The following CLVS1 variants were observed in gnomAD, a reference collection of about 807,000 sequenced individuals.
The protein encoded by CLVS1 is clavesin 1.
Under a neutral mutation model 33.1 loss-of-function variants are expected in CLVS1, and 10 were observed. The ratio of observed to expected loss-of-function variants is 0.30; its 90% CI spans 0.19 to 0.51. CLVS1 has a LOEUF of 0.51. Ranked by LOEUF, CLVS1 falls within the 20% of genes least tolerant of loss-of-function variation. The pLI, the probability that CLVS1 is intolerant of heterozygous loss-of-function variation, is 0.97. For synonymous variants in CLVS1, 163 were observed against 166.1 expected (o/e 0.98, Z 0.14); for missense variants, 343 against 433.4 (o/e 0.79, Z 1.85).
chr8:61,126,741 C>T (rs1805980516), intron 1 of CLVS1, among the ~76,000 whole-genome samples: 3 of 152,198 alleles, frequency 2.0e-5, no homozygotes. Flanking sequence ...GTCATGTTCA[C>T]TCTCCTTCCT....
At chr8:61,177,556 A>G (rs1284113892) in intron 2 of CLVS1, among the ~76,000 whole-genome samples, 2 of 152,254 alleles carry the variant, frequency 1.3e-5, no homozygotes, top group East Asian at 1.9e-4. Flanking sequence ...GGGTTGTCAG[A>G]CACCCTATAC....
At chr8:61,099,934 AC>A (rs1169777479) in intron 1 of CLVS1, among the ~76,000 whole-genome samples, 1 of 152,238 alleles carries the variant, frequency 6.6e-6, no homozygotes, top group Non-Finnish European at 1.5e-5. Flanking sequence ...ACTTCGGAAC[AC>A]AGACAATAAG....
the CLVS1 span, among the ~76,000 whole-genome samples, chr8:60,984,569 C>G: frequency 6.6e-6 from 1 of 152,134 alleles, no homozygotes; most frequent in East Asian, 1.9e-4. Flanking sequence ...CTCAGGTGAT[C>G]CATCCACCTC....
At chr8:61,394,080 C>T (rs568332651) in intron 3 of CLVS1, among the ~76,000 whole-genome samples, 3 of 152,178 alleles carry the variant, frequency 2.0e-5, no homozygotes, top group Admixed American at 6.5e-5. Flanking sequence ...GGCACGGTGG[C>T]TCACGCCTCT....
At chr8:60,969,769 C>T in the CLVS1 span, among the ~76,000 whole-genome samples, 1 of 151,480 alleles carries the variant, frequency 6.6e-6, no homozygotes, top group Non-Finnish European at 1.5e-5. Context: ...ATTAACCAAC[C>T]TAGGATCAAA....
Position 61,325,397 on chromosome 8 carries a change from C to T in CLVS1, c.455+25115C>T, listed in dbSNP as rs2020266. Among the ~76,000 whole-genome samples the T allele has an allele frequency of 2.3e-3, 357 of 152,252 alleles. 1 individual carries two copies. The highest frequency in any genetic ancestry group is 8.0e-3 in the African/African-American group (333 of 41,552). ...CCTATGTTTGCAGCTGAGTAGTGTT[C>T]TATAGAACATTGAAGGCCCAGAAGG... On this transcript the variant is annotated intron_variant, in intron 2 of 5. Transcript: ENST00000325897.
chr8:61,348,320 G>A (rs993884493), intron 2 of CLVS1, among the ~76,000 whole-genome samples: 4 of 148,376 alleles, frequency 2.7e-5, no homozygotes, highest in South Asian at 2.2e-4. Context: ...ATCACACACT[G>A]GGGCCTGTCA....
At chr8:61,324,849 A>C (rs1409310084) in intron 2 of CLVS1, among the ~76,000 whole-genome samples, 1 of 152,156 alleles carries the variant, frequency 6.6e-6, no homozygotes, top group Non-Finnish European at 1.5e-5. Context: ...AACAGTGTAC[A>C]AGCAGAGAAC....
intron 2 of CLVS1, among the ~76,000 whole-genome samples, chr8:61,209,488 C>T (rs1807929049): frequency 6.6e-6 from 1 of 152,152 alleles, no homozygotes; most frequent in Non-Finnish European, 1.5e-5. Context: ...AGACTATGTA[C>T]TATAGTTGTC....
At chr8:61,240,102 A>T (rs1306221327) in intron 2 of CLVS1, among the ~76,000 whole-genome samples, 1 of 152,246 alleles carries the variant, frequency 6.6e-6, no homozygotes, top group Non-Finnish European at 1.5e-5. Flanking sequence ...TCAGTAGAAG[A>T]AAACAAGATC....
At chr8:60,987,897 C>T in the CLVS1 span, among the ~76,000 whole-genome samples, 1 of 152,028 alleles carries the variant, frequency 6.6e-6, no homozygotes, top group Non-Finnish European at 1.5e-5. Flanking sequence ...GCCCTCCAGC[C>T]TGGTGATAGA....
chr8:61,463,820 A>G (rs1817453261), intron 5 of CLVS1, among the ~76,000 whole-genome samples: 1 of 152,062 alleles, frequency 6.6e-6, no homozygotes, highest in African/African-American at 2.4e-5. Context: ...TAATCCTACC[A>G]CTTTGGGAGA....
intron 2 of CLVS1, among the ~76,000 whole-genome samples, chr8:61,153,895 C>T (rs911686239): frequency 6.6e-6 from 1 of 152,162 alleles, no homozygotes; most frequent in Non-Finnish European, 1.5e-5. Flanking sequence ...AGCAAAATTG[C>T]ACCAATACAA....
At chr8:61,365,894 C>A (rs1272423655) in intron 2 of CLVS1, among the ~76,000 whole-genome samples, 2 of 151,998 alleles carry the variant, frequency 1.3e-5, no homozygotes, top group Non-Finnish European at 2.9e-5. Context: ...TGTAGAAAAA[C>A]CCTGGTGTAA....
At chr8:61,382,066 G>T (rs926834758) in intron 3 of CLVS1, among the ~76,000 whole-genome samples, 4 of 152,122 alleles carry the variant, frequency 2.6e-5, no homozygotes, top group South Asian at 2.1e-4. Flanking sequence ...CCCACAGCCT[G>T]CCCCCTTTTC....
intron 2 of CLVS1, among the ~76,000 whole-genome samples, chr8:61,167,158 C>G (rs1442995857): frequency 6.7e-6 from 1 of 150,268 alleles, no homozygotes; most frequent in Non-Finnish European, 1.5e-5. Context: ...CTTCTATCTC[C>G]TTTTTACCTT....
At chr8:61,002,095 C>T in the CLVS1 span, among the ~76,000 whole-genome samples, 1 of 152,086 alleles carries the variant, frequency 6.6e-6, no homozygotes, top group Non-Finnish European at 1.5e-5. Flanking sequence ...CCTTCTACCT[C>T]ACCCTCCTGA....
intron 3 of CLVS1, among the ~76,000 whole-genome samples, chr8:61,413,419 G>T (rs1355671309): frequency 6.6e-6 from 1 of 152,204 alleles, no homozygotes; most frequent in East Asian, 1.9e-4. Context: ...GAGACATGGG[G>T]TTTTATTCAA....
chr8:61,059,178 T>G (rs1804532765), intron 1 of CLVS1, among the ~76,000 whole-genome samples: 1 of 152,062 alleles, frequency 6.6e-6, no homozygotes, highest in Non-Finnish European at 1.5e-5. Context: ...ATATGAGAGT[T>G]CTAGTTCCTC....
Sources: allele counts gnomAD v4.1 joint callset (sites outside exome capture counted in the v4.1 genomes callset), GRCh38; gene constraint gnomAD v4.1.1; transcripts MANE v1.5; gene names NCBI Gene and HGNC (gene_info 2026-07-23, HGNC 2026-07-21).